The following PLCG2 variants were observed in gnomAD, a reference collection of about 807,000 sequenced individuals.
The protein encoded by PLCG2 is 1-phosphatidylinositol 4,5-bisphosphate phosphodiesterase gamma-2.
In PLCG2, 69 loss-of-function variants were observed where a neutral mutation model predicts 175.6. The ratio of observed to expected loss-of-function variants is 0.39; its 90% CI spans 0.32 to 0.48. The LOEUF (loss-of-function observed/expected upper bound fraction) is 0.48, where lower values mean the gene tolerates loss of function less well. Among genes scored for constraint, PLCG2 ranks in the 20% least tolerant of loss-of-function variants. PLCG2 has a pLI of 0.91. For synonymous variants in PLCG2, 827 were observed against 624.0 expected (o/e 1.33, Z -4.85); for missense variants, 1,798 against 1,650.9 (o/e 1.09, Z -1.54).
chr16:81,876,742 C>T (rs1443796668), intron 7 of PLCG2, among the ~76,000 whole-genome samples: 1 of 152,136 alleles, frequency 6.6e-6, no homozygotes, highest in Non-Finnish European at 1.5e-5. Flanking sequence ...GGGATGTTGC[C>T]CAGAGTGACA....
chr16:81,825,546 C>T (rs777857727), intron 2 of PLCG2, among the ~76,000 whole-genome samples: 57 of 152,200 alleles, frequency 3.7e-4, no homozygotes, highest in Admixed American at 2.2e-3. Context: ...CCACCTGCCT[C>T]GGTCTCCCAA....
At chr16:81,807,213 C>T (rs1357268113) in intron 2 of PLCG2, among the ~76,000 whole-genome samples, 1 of 150,936 alleles carries the variant, frequency 6.6e-6, no homozygotes, top group Non-Finnish European at 1.5e-5. Context: ...TGTCTTGTCC[C>T]AGCGGTGTCC....
chr16:81,787,160 A>G (rs933555048), intron 2 of PLCG2, among the ~76,000 whole-genome samples: 1 of 152,170 alleles, frequency 6.6e-6, no homozygotes, highest in Non-Finnish European at 1.5e-5. Flanking sequence ...AGGGCATTTC[A>G]TGCTATTTCC....
In PLCG2 at chr16:81,870,969, G is replaced by A. The variant is rs748367528; in HGVS notation, c.648+34G>A. The stretch of plus-strand genomic sequence containing the variant: ...ATTCTTGAGCAAGTGATCAAGTGAT[G>A]TTTCTGTTTTCCATGTATTTCCAAG... On this transcript the variant is annotated intron_variant, in intron 7 of 32. Transcript: ENST00000564138. 8 of 1,195,442 alleles carry A rather than the reference G, an allele frequency of 6.7e-6. No individual in the cohort carries two copies. The Admixed American group carries it at 1.2e-4, about 18-fold the overall frequency. The allele number at this position is 1,195,442 out of a possible 1,614,324, so 74.1% of individuals were successfully genotyped here. A position where few individuals can be genotyped will look rare whatever the true frequency, so the allele number is the denominator to read the frequency against.
chr16:81,833,786 T>A (rs67174651), intron 2 of PLCG2, among the ~76,000 whole-genome samples: 18,293 of 152,096 alleles, frequency 0.12, 1,163 homozygotes, highest in Middle Eastern at 0.18. Flanking sequence ...GGGCTCGAGC[T>A]GTCCTCCTGC....
intron 2 of PLCG2, among the ~76,000 whole-genome samples, chr16:81,852,748 A>G (rs1197650458): frequency 6.6e-6 from 1 of 152,172 alleles, no homozygotes; most frequent in Non-Finnish European, 1.5e-5. Flanking sequence ...TATTTCTACA[A>G]TCTGGGCATG....
chr16:81,798,152 A>G (rs914792717), intron 2 of PLCG2, among the ~76,000 whole-genome samples: 1 of 152,136 alleles, frequency 6.6e-6, no homozygotes, highest in Non-Finnish European at 1.5e-5. Context: ...TTTCTTATCT[A>G]TAAGATGGGG....
In PLCG2 at chr16:81,910,490, C is replaced by T. The variant is rs1323989298; in HGVS notation, c.1734-30C>T. 3.1e-6 allele frequency: 5 copies of T among 1,608,680 alleles called. No homozygotes were observed. In the African/African-American group the frequency reaches 5.3e-5, roughly 17 times the overall value. ...GCCGCAATGGCCTGGCCTGCGTTCTCCCAGCACTGATGGCGTCCTCTCCCC... is the reference window on the plus strand; with the variant it reads ...GCCGCAATGGCCTGGCCTGCGTTCTTCCAGCACTGATGGCGTCCTCTCCCC... On this transcript the variant is annotated intron_variant, in intron 17 of 32. Coordinates refer to ENST00000564138, the MANE Select transcript of PLCG2 (RefSeq NM_002661.5).
intron 1 of PLCG2, among the ~76,000 whole-genome samples, chr16:81,780,535 C>A (rs769920154): frequency 6.6e-6 from 1 of 152,148 alleles, no homozygotes; most frequent in African/African-American, 2.4e-5. Context: ...TGTGCAGTCA[C>A]GTGTATACCA....
intron 1 of PLCG2, among the ~76,000 whole-genome samples, chr16:81,752,774 C>T (rs990049663): frequency 6.6e-6 from 1 of 152,214 alleles, no homozygotes; most frequent in African/African-American, 2.4e-5. Flanking sequence ...GAAGTGAGGG[C>T]CAGTGCTGGA....
intron 13 of PLCG2, 80 bp downstream of exon 13, chr16:81,896,007 A>G: frequency 1.3e-6 from 2 of 1,542,196 alleles, no homozygotes; most frequent in Non-Finnish European, 1.8e-6. Context: ...CAGACAGGCA[A>G]ACACACACAG....
At chr16:81,760,760 T>TA (rs55942382) in intron 2 of PLCG2, among the ~76,000 whole-genome samples, 5 of 139,588 alleles carry the variant, frequency 3.6e-5, no homozygotes, top group South Asian at 2.3e-4. Flanking sequence ...AAAAAAAAAA[T>TA]AATAATAATA....
chr16:81,917,406 A>T (rs775466493), intron 19 of PLCG2, among the ~76,000 whole-genome samples: 2 of 152,088 alleles, frequency 1.3e-5, no homozygotes, highest in African/African-American at 4.8e-5. Flanking sequence ...CTTCAGATAT[A>T]TACCGAGAAG....
chr16:81,817,556 A>C (rs894992963), intron 2 of PLCG2, among the ~76,000 whole-genome samples: 1 of 152,270 alleles, frequency 6.6e-6, no homozygotes, highest in Non-Finnish European at 1.5e-5. Flanking sequence ...GTGATAAAAC[A>C]AGAGCCCTCA....
At chr16:81,899,291 C>G (rs4889434) in intron 13 of PLCG2, among the ~76,000 whole-genome samples, 1 of 104,470 alleles carries the variant, frequency 9.6e-6, no homozygotes, top group Non-Finnish European at 2.1e-5. Context: ...TATATATATA[C>G]ACACACACAC....
At chr16:81,851,853 T>C (rs1325189998) in intron 2 of PLCG2, among the ~76,000 whole-genome samples, 1 of 152,244 alleles carries the variant, frequency 6.6e-6, no homozygotes, top group Non-Finnish European at 1.5e-5. Context: ...TGTTTCTAAT[T>C]GAGCTAGACC....
At position 81,853,743 on chromosome 16, in the gene PLCG2, C is replaced by G. The variant is rs565898887; in HGVS notation, c.194-701C>G. Among the ~76,000 whole-genome samples the G allele has an allele frequency of 3.3e-5, 5 of 152,122 alleles. No homozygotes were observed. In the South Asian group the frequency reaches 1.0e-3, roughly 32 times the overall value. ...GGTTAAAACAGGTCACAGAGACAAC[C>G]TGGATTGAAGGGCAGCTGGCTATAT... On this transcript the variant is annotated intron_variant, in intron 2 of 32. Transcript: ENST00000564138.
At chr16:81,828,296 A>G (rs1905126678) in intron 2 of PLCG2, among the ~76,000 whole-genome samples, 1 of 121,548 alleles carries the variant, frequency 8.2e-6, no homozygotes, top group African/African-American at 3.2e-5. Flanking sequence ...CCCAGGCTGG[A>G]ATGCAGTGGT....
chr16:81,843,115 C>T (rs1411368538), intron 2 of PLCG2, among the ~76,000 whole-genome samples: 1 of 152,106 alleles, frequency 6.6e-6, no homozygotes, highest in Non-Finnish European at 1.5e-5. Flanking sequence ...GAAACTCGGC[C>T]ACTGAGCCCC....
Sources: gnomAD v4.1 joint callset for allele counts (sites outside exome capture counted in the v4.1 genomes callset) on GRCh38, gnomAD v4.1.1 for gene constraint, MANE v1.5 for transcripts, NCBI Gene and HGNC (gene_info 2026-07-23, HGNC 2026-07-21) for gene names.